The following SHISA9 variants were observed in gnomAD, a reference collection of about 807,000 sequenced individuals.
SHISA9 encodes shisa family member 9, also known as protein shisa-9.
SHISA9 carries 13 observed loss-of-function variants against 38.0 expected under a neutral mutation model. That is an observed-to-expected ratio of 0.34 (90% confidence interval 0.22 to 0.54). SHISA9 has a LOEUF of 0.54. Among genes scored for constraint, SHISA9 ranks in the 20% least tolerant of loss-of-function variants. SHISA9 has a pLI of 0.91. For synonymous variants in SHISA9, 275 were observed against 242.0 expected, an observed-to-expected ratio of 1.14 and a Z score of -1.27; for missense variants, 538 against 575.8, an observed-to-expected ratio of 0.93 and a Z score of 0.67.
the SHISA9 span, among the ~76,000 whole-genome samples, chr16:13,344,532 AAT>A: frequency 6.6e-6 from 1 of 152,126 alleles, no homozygotes; most frequent in Non-Finnish European, 1.5e-5. Context: ...AGATCCTTGC[AAT>A]ATGTTTTCCC....
the SHISA9 span, among the ~76,000 whole-genome samples, chr16:13,506,270 G>C: frequency 1.3e-5 from 2 of 152,114 alleles, no homozygotes; most frequent in Non-Finnish European, 2.9e-5. Context: ...CACATGCCAG[G>C]CACAGTTCAA....
chr16:12,992,108 A>G (rs1295092979), intron 2 of SHISA9, among the ~76,000 whole-genome samples: 3 of 152,172 alleles, frequency 2.0e-5, no homozygotes, highest in Non-Finnish European at 4.4e-5. Flanking sequence ...TCATAATAAC[A>G]ACTATCAAGG....
At chr16:13,017,418 C>T (rs371493295) in intron 2 of SHISA9, among the ~76,000 whole-genome samples, 2 of 152,134 alleles carry the variant, frequency 1.3e-5, no homozygotes, top group Non-Finnish European at 1.5e-5. Flanking sequence ...GAATCATTAC[C>T]TCATTTTGCA....
chr16:13,151,414 T>A (rs907170450), intron 2 of SHISA9, among the ~76,000 whole-genome samples: 1 of 152,132 alleles, frequency 6.6e-6, no homozygotes, highest in Admixed American at 6.5e-5. Context: ...GTCACTTTGA[T>A]TTTCAAGGGA....
intron 4 of SHISA9, among the ~76,000 whole-genome samples, chr16:13,230,933 A>G (rs971793364): frequency 2.0e-5 from 3 of 151,922 alleles, no homozygotes; most frequent in African/African-American, 7.3e-5. Flanking sequence ...ACCAGAGGTT[A>G]CTCTCATGGC....
chr16:13,237,914 G>A lies in SHISA9; in HGVS notation c.*2505G>A, dbSNP rs1271327490. ...TCTGTATATCACCTTCACAATATTT[G>A]TATCTAAATTGATTCATTTTAATGC... On this transcript the variant is annotated 3_prime_UTR_variant, in exon 5 of 5. Coordinates refer to ENST00000558583, the MANE Select transcript of SHISA9 (RefSeq NM_001145204.3). 1 of 151,962 alleles carries A rather than the reference G, an allele frequency of 6.6e-6. No homozygotes were observed. Among genetic ancestry groups the A allele is most frequent in the Non-Finnish European group, 1.5e-5 (1 of 67,998 alleles). 9.4% of individuals were successfully genotyped at this position (151,962 alleles called of 1,614,324 possible). A position where few individuals can be genotyped will look rare whatever the true frequency, so the allele number is the denominator to read the frequency against.
chr16:13,296,754 G>T, the SHISA9 span, among the ~76,000 whole-genome samples: 1 of 151,746 alleles, frequency 6.6e-6, no homozygotes, highest in Non-Finnish European at 1.5e-5. Context: ...AGCTGGGTGT[G>T]GTTGTGGGTG....
At chr16:13,107,171 G>A (rs2073933669) in intron 2 of SHISA9, among the ~76,000 whole-genome samples, 1 of 152,088 alleles carries the variant, frequency 6.6e-6, no homozygotes, top group Admixed American at 6.5e-5. Flanking sequence ...GGTGGCTCAT[G>A]CCTATAATCC....
intron 2 of SHISA9, among the ~76,000 whole-genome samples, chr16:12,925,467 G>GTT (rs1193304034): frequency 8.0e-6 from 1 of 125,478 alleles, no homozygotes; most frequent in Non-Finnish European, 1.6e-5. Context: ...GTGTGTGTGT[G>GTT]TGTGTGCAAG....
At chr16:13,124,026 C>A (rs1390573863) in intron 2 of SHISA9, among the ~76,000 whole-genome samples, 3 of 152,208 alleles carry the variant, frequency 2.0e-5, no homozygotes, top group Admixed American at 6.5e-5. Context: ...GCTGGGAATA[C>A]TCCCCCTGTG....
chr16:13,222,129 T>G (rs1149405), intron 4 of SHISA9, among the ~76,000 whole-genome samples: 1 of 151,764 alleles, frequency 6.6e-6, no homozygotes, highest in Admixed American at 6.6e-5. Context: ...GACTTATTCA[T>G]TATCACAAGA....
intron 2 of SHISA9, among the ~76,000 whole-genome samples, chr16:12,925,853 T>C (rs1596532735): frequency 6.6e-6 from 1 of 152,186 alleles, no homozygotes; most frequent in East Asian, 1.9e-4. Context: ...TTGCTTTTTT[T>C]CTGTACTTAT....
At chr16:13,530,716 A>T in the SHISA9 span, among the ~76,000 whole-genome samples, 2 of 152,104 alleles carry the variant, frequency 1.3e-5, no homozygotes, top group African/African-American at 2.4e-5. Flanking sequence ...CTTACAGAAG[A>T]AGCATGATTT....
At chr16:13,317,849 G>C in the SHISA9 span, among the ~76,000 whole-genome samples, 6 of 152,092 alleles carry the variant, frequency 3.9e-5, no homozygotes, top group Non-Finnish European at 8.8e-5. Flanking sequence ...AGTATCTAAA[G>C]TCCCTAAGAT....
intron 2 of SHISA9, among the ~76,000 whole-genome samples, chr16:13,073,825 G>C (rs542415010): frequency 2.0e-5 from 3 of 152,102 alleles, no homozygotes; most frequent in Non-Finnish European, 4.4e-5. Context: ...AAGATAGCTG[G>C]TAACATTTAG....
chr16:13,420,245 CAAAAAAAAAA>C, the SHISA9 span, among the ~76,000 whole-genome samples: 73 of 50,410 alleles, frequency 1.4e-3, 1 homozygote, highest in African/African-American at 4.5e-3. Context: ...GAATCTGTTT[CAAAAAAAAAA>C]AAAAAAAAAA....
At chr16:13,022,318 AT>A (rs1455111263) in intron 2 of SHISA9, among the ~76,000 whole-genome samples, 2 of 149,300 alleles carry the variant, frequency 1.3e-5, no homozygotes, top group Non-Finnish European at 3.0e-5. Flanking sequence ...GGTCTGGCTA[AT>A]TTTTACATTA....
chr16:13,199,731 C>A (rs2050985776), intron 2 of SHISA9, among the ~76,000 whole-genome samples: 1 of 152,134 alleles, frequency 6.6e-6, no homozygotes, highest in Non-Finnish European at 1.5e-5. Flanking sequence ...TCTGATTGGC[C>A]CAGCATAGAT....
chr16:13,272,434 C>T, the SHISA9 span, among the ~76,000 whole-genome samples: 4 of 151,928 alleles, frequency 2.6e-5, no homozygotes, highest in East Asian at 3.9e-4. Context: ...CGCTATGTTA[C>T]CCAGGCTGGT....
Sources: gnomAD v4.1 joint callset for allele counts (sites outside exome capture counted in the v4.1 genomes callset) on GRCh38, gnomAD v4.1.1 for gene constraint, MANE v1.5 for transcripts, NCBI Gene and HGNC (gene_info 2026-07-23, HGNC 2026-07-21) for gene names.